Variants in LIMS1 observed in about 807,000 individuals in gnomAD.
LIMS1 encodes the protein LIM and senescent cell antigen-like-containing domain protein 1.
Under a neutral mutation model 44.1 loss-of-function variants are expected in LIMS1, and 18 were observed. The ratio of observed to expected loss-of-function variants is 0.41; its 90% CI spans 0.28 to 0.61. The LOEUF (loss-of-function observed/expected upper bound fraction) is 0.61. Ranked by LOEUF, LIMS1 falls within the 20% of genes least tolerant of loss-of-function variation. LIMS1 has a pLI of 0.32. For missense variants in LIMS1, 201 were observed against 422.0 expected, an observed-to-expected ratio of 0.48 and a Z score of 4.59; for synonymous variants, 93 against 149.1, an observed-to-expected ratio of 0.62 and a Z score of 2.74.
At chr2:108,622,567 T>A (rs2148875964) in intron 1 of LIMS1, among the ~76,000 whole-genome samples, 1 of 152,338 alleles carries the variant, frequency 6.6e-6, no homozygotes, top group South Asian at 2.1e-4. Context: ...CTATGTCAGG[T>A]GTCTCTTAGC....
Position 108,539,322 on chromosome 2 carries a change from C to T in LIMS1, c.32+4728C>T, listed in dbSNP as rs139787842. Among the ~76,000 whole-genome samples the T allele has an allele frequency of 5.0e-3, 762 of 152,278 alleles. 7 individuals carry two copies. Among genetic ancestry groups the T allele is most frequent in the Middle Eastern group, 0.017 (5 of 294 alleles). On this transcript the variant is annotated intron_variant, in intron 1 of 9. Coordinates refer to ENST00000544547, the Ensembl canonical transcript of LIMS1. ...CTAGTGTTGAATTCCTGGCCTCAAG[C>T]GATCCGCCCTTCTCGGCCTCTCAAA...
In LIMS1 at chr2:108,555,638, T is replaced by G. The variant is rs565438452; in HGVS notation, c.32+21044T>G. Among the ~76,000 whole-genome samples the G allele has an allele frequency of 1.5e-4, 23 of 152,344 alleles. No individual in the cohort carries two copies. In the South Asian group the frequency reaches 4.8e-3, roughly 32 times the overall value. On this transcript the variant is annotated intron_variant, in intron 1 of 9. Transcript: ENST00000544547. The stretch of plus-strand genomic sequence containing the variant: ...AGGCTTTTCTCCTAGTCTTGTGAAT[T>G]GTGCTTTTACCCTGTGGTGATTATT...
chr2:108,666,639 C>A (rs1424142079), intron 2 of LIMS1, among the ~76,000 whole-genome samples: 66 of 120,988 alleles, frequency 5.5e-4, no homozygotes, highest in Non-Finnish European at 5.4e-4. Flanking sequence ...CAAAAAATAA[C>A]AAAATTAGCC....
chr2:108,672,096 G>A, intron 3 of LIMS1, among the ~76,000 whole-genome samples: 1 of 148,940 alleles, frequency 6.7e-6, no homozygotes, highest in Admixed American at 6.8e-5. Flanking sequence ...GAACCCGGGA[G>A]GCAGAGGTTG....
At chr2:108,608,388 C>T (rs981545249) in intron 1 of LIMS1, among the ~76,000 whole-genome samples, 6 of 151,698 alleles carry the variant, frequency 4.0e-5, no homozygotes, top group Non-Finnish European at 7.4e-5. Context: ...TCACTGAAAC[C>T]TCCGCCTCCC....
chr2:108,577,051 A>G (rs10205370), intron 1 of LIMS1, among the ~76,000 whole-genome samples: 62,714 of 152,042 alleles, frequency 0.41, 14,864 homozygotes, highest in East Asian at 0.94. Context: ...TTAAACTTCC[A>G]GAAAACAGTA....
intron 1 of LIMS1, among the ~76,000 whole-genome samples, chr2:108,567,721 G>A (rs367949421): frequency 6.6e-6 from 1 of 152,204 alleles, no homozygotes; most frequent in African/African-American, 2.4e-5. Context: ...ACAGGCATGC[G>A]TCACCATGCC....
intron 1 of LIMS1, among the ~76,000 whole-genome samples, chr2:108,611,914 C>CAT (rs1200522810): frequency 3.4e-5 from 4 of 118,334 alleles, no homozygotes; most frequent in Admixed American, 9.0e-5. Context: ...AATATACACA[C>CAT]ATATAAAATA....
intron 1 of LIMS1, among the ~76,000 whole-genome samples, chr2:108,602,801 G>A (rs1687080653): frequency 6.6e-6 from 1 of 152,070 alleles, no homozygotes; most frequent in Admixed American, 6.6e-5. Context: ...GGGTCTTGCT[G>A]TGTCACCCAG....
chr2:108,639,600 C>A (rs1689529641), intron 1 of LIMS1, among the ~76,000 whole-genome samples: 1 of 152,086 alleles, frequency 6.6e-6, no homozygotes, highest in African/African-American at 2.4e-5. Flanking sequence ...TTACAGGCAC[C>A]TGCCACCACA....
At chr2:108,605,389 T>C (rs546147918) in intron 1 of LIMS1, among the ~76,000 whole-genome samples, 1 of 152,296 alleles carries the variant, frequency 6.6e-6, no homozygotes, top group African/African-American at 2.4e-5. Context: ...TCTCTTCTAC[T>C]TAAAATTAAC....
intron 1 of LIMS1, among the ~76,000 whole-genome samples, chr2:108,653,033 A>T (rs1690609056): frequency 6.6e-6 from 1 of 152,212 alleles, no homozygotes; most frequent in South Asian, 2.1e-4. Flanking sequence ...CATGAGCCAT[A>T]GGCTTTGGGC....
At chr2:108,621,645 C>T (rs1345314804) in intron 1 of LIMS1, among the ~76,000 whole-genome samples, 1 of 152,234 alleles carries the variant, frequency 6.6e-6, no homozygotes, top group African/African-American at 2.4e-5. Flanking sequence ...AACCAGAATA[C>T]TTTTGCCCAT....
At chr2:108,536,594 G>C (rs970834612) in intron 1 of LIMS1, among the ~76,000 whole-genome samples, 2 of 152,168 alleles carry the variant, frequency 1.3e-5, no homozygotes, top group African/African-American at 4.8e-5. Context: ...TGTTGTTTTT[G>C]AGACAGTGTC....
At chr2:108,627,110 A>T (rs1017262069) in intron 1 of LIMS1, among the ~76,000 whole-genome samples, 5 of 152,166 alleles carry the variant, frequency 3.3e-5, no homozygotes, top group African/African-American at 1.2e-4. Flanking sequence ...TGTGCTGTAC[A>T]GGTTTGTGGC....
In LIMS1 at chr2:108,535,942, C is replaced by T. The variant is rs938047100; in HGVS notation, c.32+1348C>T. Reference sequence around the variant, plus strand: ...GAAGTGCACGCCTGCCATTTGGTCACAAGTAACAAAAAAGAGTCAAAGCTC... The same window carrying T: ...GAAGTGCACGCCTGCCATTTGGTCATAAGTAACAAAAAAGAGTCAAAGCTC... On this transcript the variant is annotated intron_variant, in intron 1 of 9. Coordinates refer to ENST00000544547, the Ensembl canonical transcript of LIMS1. 1.1e-4 allele frequency among the ~76,000 whole-genome samples: 16 copies of T among 152,054 alleles called. No individual in the cohort carries two copies. In the East Asian group the frequency reaches 3.1e-3, roughly 29 times the overall value.
At position 108,680,690 on chromosome 2, in the gene LIMS1, T is replaced by G. The variant is rs1275250435; in HGVS notation, c.824-5T>G. The G allele has an allele frequency of 6.2e-7, 1 of 1,609,228 alleles. No individual in the cohort carries two copies. The highest frequency in any genetic ancestry group is 8.5e-7 in the Non-Finnish European group (1 of 1,178,830). ...TGTGACCAGATCTCTTTCCTCTTTC[T>G]CCAGTGGTCTCTGCTCTTAATAAGG... On this transcript the variant is annotated splice_polypyrimidine_tract_variant and splice_region_variant and intron_variant, in intron 8 of 9. Coordinates refer to ENST00000544547, the Ensembl canonical transcript of LIMS1.
At chr2:108,680,012 C>T (rs1451512639) in intron 8 of LIMS1, among the ~76,000 whole-genome samples, 1 of 151,902 alleles carries the variant, frequency 6.6e-6, no homozygotes, top group African/African-American at 2.4e-5. Flanking sequence ...ATTGCTTGAG[C>T]CCAGGAGTTC....
chr2:108,636,236 C>G (rs1689241625), intron 1 of LIMS1, among the ~76,000 whole-genome samples: 1 of 152,208 alleles, frequency 6.6e-6, no homozygotes, highest in Non-Finnish European at 1.5e-5. Flanking sequence ...TGCTGGAAAT[C>G]CTCCTTTCCA....
Sources: gnomAD v4.1 joint callset for allele counts (sites outside exome capture counted in the v4.1 genomes callset) on GRCh38, gnomAD v4.1.1 for gene constraint, MANE v1.5 for transcripts, NCBI Gene and HGNC (gene_info 2026-07-23, HGNC 2026-07-21) for gene names.